The following SUPT3H variants were observed in gnomAD, a reference collection of about 807,000 sequenced individuals.
SUPT3H encodes transcription initiation protein SPT3 homolog.
SUPT3H carries 44 observed loss-of-function variants against 44.3 expected under a neutral mutation model. The observed-to-expected ratio is 0.99, with a 90% confidence interval of 0.78 to 1.28. SUPT3H has a LOEUF of 1.28. Ranked by LOEUF, SUPT3H falls within the 50% of genes most tolerant of loss-of-function variation. SUPT3H has a pLI of 0.00. For synonymous variants in SUPT3H, 124 were observed against 125.6 expected, an observed-to-expected ratio of 0.99 and a Z score of 0.09; for missense variants, 380 against 387.1, an observed-to-expected ratio of 0.98 and a Z score of 0.15.
At chr6:45,151,309 A>G (rs377200014) in intron 2 of SUPT3H, among the ~76,000 whole-genome samples, 1 of 152,234 alleles carries the variant, frequency 6.6e-6, no homozygotes, top group East Asian at 1.9e-4. Flanking sequence ...AACTATTCTA[A>G]TTGGCTAATT....
chr6:45,344,599 A>C (rs1260437358), intron 2 of SUPT3H, among the ~76,000 whole-genome samples: 2 of 152,200 alleles, frequency 1.3e-5, no homozygotes, highest in African/African-American at 4.8e-5. Flanking sequence ...TTAAGAGGCC[A>C]CAAAAAGCTA....
intron 11 of SUPT3H, among the ~76,000 whole-genome samples, chr6:44,813,655 A>T (rs925195140): frequency 3.4e-5 from 5 of 146,546 alleles, no homozygotes; most frequent in South Asian, 2.2e-4. Flanking sequence ...TGGAACTGGA[A>T]TTTTTTTTTT....
chr6:45,003,677 A>G lies in SUPT3H; in HGVS notation c.480T>C (p.Asp160=), dbSNP rs1383314149. 1.2e-6 allele frequency: 2 copies of G among 1,613,650 alleles called. No individual in the cohort carries two copies. The highest frequency in any genetic ancestry group is 3.3e-5 in the Admixed American group (2 of 59,936). Residue 160 remains aspartate, a synonymous_variant, in exon 6 of 11, where the codon GAT becomes GAC. Coordinates refer to ENST00000371459, the MANE Select transcript of SUPT3H (RefSeq NM_003599.4). The part of the protein sequence containing the change: ...LLAMFEDDEI[D]EVKQERMERA... ...CCTCCATTCTTTCTTGTTTAACTTC[A>G]TCAATTTCGTCATCTTCAAACATTG...
intron 2 of SUPT3H, among the ~76,000 whole-genome samples, chr6:45,242,478 T>C (rs1298738286): frequency 6.6e-6 from 1 of 152,196 alleles, no homozygotes; most frequent in Non-Finnish European, 1.5e-5. Context: ...AGCTTGAAGA[T>C]GAACATTCTC....
chr6:45,352,816 T>A (rs1273826750), intron 2 of SUPT3H, among the ~76,000 whole-genome samples: 1 of 152,102 alleles, frequency 6.6e-6, no homozygotes, highest in Non-Finnish European at 1.5e-5. Context: ...ATTGCATAGA[T>A]ATCTACATAT....
At chr6:45,123,286 G>C (rs1426316461) in intron 2 of SUPT3H, among the ~76,000 whole-genome samples, 1 of 151,840 alleles carries the variant, frequency 6.6e-6, no homozygotes, top group African/African-American at 2.4e-5. Flanking sequence ...CTCTCTTTCA[G>C]TCAGTCTAAT....
chr6:44,835,869 CT>C (rs1330925612), intron 10 of SUPT3H, among the ~76,000 whole-genome samples: 1 of 152,068 alleles, frequency 6.6e-6, no homozygotes, highest in Non-Finnish European at 1.5e-5. Flanking sequence ...TCAAATTCAA[CT>C]GCTCCCATAT....
intron 3 of SUPT3H, among the ~76,000 whole-genome samples, chr6:45,043,297 TAGA>T (rs1788878461): frequency 6.6e-6 from 1 of 152,148 alleles, no homozygotes; most frequent in Admixed American, 6.5e-5. Context: ...TGCACACAAA[TAGA>T]AATAAACGGT....
intron 2 of SUPT3H, among the ~76,000 whole-genome samples, chr6:45,132,776 T>C (rs1434577069): frequency 6.6e-6 from 1 of 152,206 alleles, no homozygotes; most frequent in African/African-American, 2.4e-5. Flanking sequence ...ACACTTGTTG[T>C]CCAGATTAGT....
chr6:45,078,076 T>G (rs1795260732), intron 3 of SUPT3H, among the ~76,000 whole-genome samples: 1 of 152,182 alleles, frequency 6.6e-6, no homozygotes, highest in Non-Finnish European at 1.5e-5. Context: ...TTTCGCCATG[T>G]TGGCCAGACT....
At chr6:45,319,063 T>A (rs1785108105) in intron 2 of SUPT3H, among the ~76,000 whole-genome samples, 1 of 152,150 alleles carries the variant, frequency 6.6e-6, no homozygotes, top group South Asian at 2.1e-4. Context: ...CTGATATCTT[T>A]TAAAATGTAC....
intron 3 of SUPT3H, among the ~76,000 whole-genome samples, chr6:45,068,396 T>A (rs1479510758): frequency 1.4e-5 from 2 of 147,278 alleles, no homozygotes; most frequent in African/African-American, 5.0e-5. Context: ...CACACCAGCA[T>A]GGCACATGTA....
intron 11 of SUPT3H, among the ~76,000 whole-genome samples, chr6:44,814,153 A>G (rs907441647): frequency 2.0e-5 from 3 of 152,228 alleles, no homozygotes; most frequent in Admixed American, 6.5e-5. Context: ...AGAGGCCAAA[A>G]GAGAAGGAAA....
chr6:44,950,296 A>C (rs1774079822), intron 9 of SUPT3H, among the ~76,000 whole-genome samples: 1 of 152,170 alleles, frequency 6.6e-6, no homozygotes, highest in Non-Finnish European at 1.5e-5. Context: ...CCCAATACTA[A>C]AAAAATTCCT....
At chr6:44,922,044 C>A (rs953988635) in intron 10 of SUPT3H, among the ~76,000 whole-genome samples, 1 of 152,232 alleles carries the variant, frequency 6.6e-6, no homozygotes, top group South Asian at 2.1e-4. Context: ...CGAGTGCACT[C>A]TAATCAGGTG....
intron 3 of SUPT3H, among the ~76,000 whole-genome samples, chr6:45,045,557 T>C (rs1789256479): frequency 2.0e-5 from 3 of 152,168 alleles, no homozygotes; most frequent in African/African-American, 7.2e-5. Flanking sequence ...GCTAAGACAC[T>C]GGGGTTTTCT....
chr6:45,228,871 C>G (rs769966983), intron 2 of SUPT3H, among the ~76,000 whole-genome samples: 2 of 152,068 alleles, frequency 1.3e-5, no homozygotes, highest in Non-Finnish European at 2.9e-5. Flanking sequence ...AACTCCTGAC[C>G]TAAGGCGATC....
intron 4 of SUPT3H, among the ~76,000 whole-genome samples, chr6:45,016,904 C>T (rs575869641): frequency 6.6e-6 from 1 of 151,712 alleles, no homozygotes; most frequent in Admixed American, 6.6e-5. Context: ...TTCTAGATCC[C>T]TGAGGAATCG....
chr6:44,893,290 A>G (rs1488049237), intron 10 of SUPT3H, among the ~76,000 whole-genome samples: 1 of 152,190 alleles, frequency 6.6e-6, no homozygotes, highest in East Asian at 1.9e-4. Flanking sequence ...GGTTAGTTAC[A>G]TATGTATACA....
Sources: gnomAD v4.1 joint callset for allele counts (sites outside exome capture counted in the v4.1 genomes callset) on GRCh38, gnomAD v4.1.1 for gene constraint, MANE v1.5 for transcripts, NCBI Gene and HGNC (gene_info 2026-07-23, HGNC 2026-07-21) for gene names.